MFAP4: variants seen among roughly 807,000 people sequenced by gnomAD.
MFAP4 encodes microfibril-associated glycoprotein 4.
In MFAP4, 20 loss-of-function variants were observed where a neutral mutation model predicts 32.4. The ratio of observed to expected loss-of-function variants is 0.62; its 90% CI spans 0.43 to 0.90. The LOEUF (loss-of-function observed/expected upper bound fraction) is 0.90, where lower values mean the gene tolerates loss of function less well. MFAP4 is among the 40% of genes least tolerant of loss of function. The pLI is 0.00. For missense variants in MFAP4, 267 were observed against 329.5 expected, an observed-to-expected ratio of 0.81 and a Z score of 1.47; for synonymous variants, 146 against 137.4, an observed-to-expected ratio of 1.06 and a Z score of -0.44.
Position 19,386,361 on chromosome 17 carries a change from A to G in MFAP4, c.189T>C (p.Ser63=), listed in dbSNP as rs1913032267. ...GVYLIYPSGP[S]VPVPVFCDMT... ...TGTCACAGAAGACGGGCACAGGCAC[A>G]CTGGGGCCCGAGGGGTAGATGAGGT... Residue 63 remains serine, a synonymous_variant, in exon 3 of 6, where the codon AGT becomes AGC. Coordinates refer to ENST00000299610, the MANE Select transcript of MFAP4 (RefSeq NM_002404.3). 1 of 1,613,572 alleles carries G rather than the reference A, an allele frequency of 6.2e-7. No individual in the cohort carries two copies. The highest frequency in any genetic ancestry group is 8.5e-7 in the Non-Finnish European group (1 of 1,179,868).
chr17:19,384,781 C>T (rs1912961141), intron 5 of MFAP4, 72 bp from the exon 6 acceptor site: 1 of 1,589,162 alleles, frequency 6.3e-7, no homozygotes, highest in Non-Finnish European at 8.6e-7. Flanking sequence ...GAGAGGGTGA[C>T]AATGACGACT....
chr17:19,386,066 G>T (rs1275218537), intron 3 of MFAP4, among the ~76,000 whole-genome samples: 2 of 152,362 alleles, frequency 1.3e-5, no homozygotes, highest in Non-Finnish European at 2.9e-5. Context: ...TTCCAGCAGT[G>T]AGCTGAGATG....
intron 1 of MFAP4, 33 bp downstream of exon 1, chr17:19,387,117 A>G (rs1913071223): frequency 6.2e-7 from 1 of 1,611,242 alleles, no homozygotes. Flanking sequence ...CAGTTCCCCC[A>G]TGCTATGAGT....
chr17:19,385,139 G>A lies in MFAP4; in HGVS notation c.480C>T (p.Gly160=), dbSNP rs993252232. 5 of 1,614,264 alleles carry A rather than the reference G, an allele frequency of 3.1e-6. No individual in the cohort carries two copies. In the Admixed American group the frequency reaches 8.3e-5, roughly 27 times the overall value. ...CAAAGCCTGCCACAAAGAGGGTGTA[G>A]CCATCCTCCTCTGCGCTGACCGCGT... ...SPNAVSAEED[G]YTLFVAGFED... is the part of the protein sequence containing the mutation. The change falls in exon 5 of 6, where the codon GGC becomes GGT. Residue 160 remains glycine (G), a synonymous_variant. Transcript: ENST00000299610.
intron 2 of MFAP4, 64 bp from the exon 3 acceptor site, chr17:19,386,528 C>T (rs1913042713): frequency 1.3e-6 from 2 of 1,553,742 alleles, no homozygotes; most frequent in Admixed American, 1.8e-5. Flanking sequence ...CACCTCAGCA[C>T]CCCAAGGTTT....
rs1377144025 is a variant in MFAP4, at chr17:19,387,109, G to C, written c.6+41C>G. On this transcript the variant is annotated intron_variant, in intron 1 of 5. Coordinates refer to ENST00000299610, the MANE Select transcript of MFAP4 (RefSeq NM_002404.3). The stretch of plus-strand genomic sequence containing the variant: ...GCCAGGGGCCTCTGGAGTGGGCTCA[G>C]TTCCCCCATGCTATGAGTCCCCCGA... 2 of 1,612,694 alleles carry C rather than the reference G, an allele frequency of 1.2e-6. No individual in the cohort carries two copies. Among genetic ancestry groups the C allele is most frequent in the Non-Finnish European group, 1.7e-6 (2 of 1,179,898 alleles).
chr17:19,384,612 G>T lies in MFAP4; in HGVS notation c.618C>A (p.Ala206=). 1 of 1,614,182 alleles carries T rather than the reference G, an allele frequency of 6.2e-7. No homozygotes were observed. Among genetic ancestry groups the T allele is most frequent in the Non-Finnish European group, 8.5e-7 (1 of 1,180,022 alleles). The change falls in exon 6 of 6, where the codon GCC becomes GCA. Residue 206 remains alanine, a synonymous_variant. Transcript: ENST00000299610. ...CAAAGTGGCAGCTGCGGAACCAGAAGGCTCCTGAGGAGAGAGCTGCGCAGT... is the reference window on the plus strand; with the variant it reads ...CAAAGTGGCAGCTGCGGAACCAGAATGCTCCTGAGGAGAGAGCTGCGCAGT... ...VQNCAALSSG[A]FWFRSCHFAN...
chr17:19,386,520 C>T, intron 2 of MFAP4, 56 bp from the exon 3 acceptor site: 2 of 1,561,890 alleles, frequency 1.3e-6, no homozygotes, highest in Non-Finnish European at 8.7e-7. Context: ...ATCACTGACA[C>T]CTCAGCACCC....
intron 2 of MFAP4, 92 bp downstream of exon 2, chr17:19,386,667 TG>T: frequency 7.1e-7 from 1 of 1,412,994 alleles, no homozygotes; most frequent in Non-Finnish European, 9.8e-7. Flanking sequence ...CCTGCAGAGC[TG>T]GGGCTCGGCC....
In MFAP4 at chr17:19,385,110, T is replaced by A; in HGVS notation, c.509A>T (p.Asp170Val). 1 of 1,613,856 alleles carries A rather than the reference T, an allele frequency of 6.2e-7. No homozygotes were observed. The highest frequency in any genetic ancestry group is 8.5e-7 in the Non-Finnish European group (1 of 1,179,750). ...ACAGCGGGTTATACCTGCCCCGCCA[T>A]CCTCAAAGCCTGCCACAAAGAGGGT... ...GYTLFVAGFEDGGAGDSLSYH... is the reference protein window; with the variant it reads ...GYTLFVAGFEVGGAGDSLSYH... Residue 170 changes from aspartate (D) to valine (V), a missense_variant, in exon 5 of 6, where the codon GAT (aspartate) becomes GTT (valine). Coordinates refer to ENST00000299610, the MANE Select transcript of MFAP4 (RefSeq NM_002404.3).
intron 1 of MFAP4, 154 bp downstream of exon 1, chr17:19,386,996 C>A: frequency 8.5e-7 from 1 of 1,177,470 alleles, no homozygotes; most frequent in Non-Finnish European, 1.2e-6. Flanking sequence ...CCCCGCCCGC[C>A]AAGTAACCCC....
Position 19,384,497 on chromosome 17 carries a change from G to A in MFAP4, c.733C>T (p.Leu245Phe), listed in dbSNP as rs1402125930. 1 of 1,601,942 alleles carries A rather than the reference G, an allele frequency of 6.2e-7. No individual in the cohort carries two copies. The highest frequency in any genetic ancestry group is 1.1e-5 in the South Asian group (1 of 89,738). Residue 245 changes from leucine to phenylalanine, a missense_variant, in exon 6 of 6, where the codon CTC (leucine) becomes TTC (phenylalanine). Around this residue, in one of 3 missense-constraint regions of MFAP4, gnomAD observed 19 missense variants for 18.7 expected, o/e 1.02. Coordinates refer to ENST00000299610, the MANE Select transcript of MFAP4 (RefSeq NM_002404.3). Reference sequence around the variant, plus strand: ...CGGATTTTCATCTCAGTGCGTTTGAGGGAGTAGTAGAAGCCCTTCCACTGG... The same window carrying A: ...CGGATTTTCATCTCAGTGCGTTTGAAGGAGTAGTAGAAGCCCTTCCACTGG... Reference protein sequence around the residue: ...WAQWKGFYYSLKRTEMKIRRA With the variant: ...WAQWKGFYYSFKRTEMKIRRA
rs568705040 is a variant in MFAP4, at chr17:19,384,317, G to A, written c.*145C>T. On this transcript the variant is annotated 3_prime_UTR_variant, in exon 6 of 6. Transcript: ENST00000299610. ...GATGCCCTGGGTGTGTGACAGGGAT[G>A]TGGCATGGCTGAGAGCCACAAGGCC... 1 of 988,730 alleles carries A rather than the reference G, an allele frequency of 1.0e-6. No homozygotes were observed. Among genetic ancestry groups the A allele is most frequent in the South Asian group, 1.7e-5 (1 of 59,618 alleles). 61.2% of individuals were successfully genotyped at this position (988,730 alleles called of 1,614,324 possible).
chr17:19,385,567 G>C, intron 3 of MFAP4, 113 bp from the exon 4 acceptor site: 2 of 653,320 alleles, frequency 3.1e-6, no homozygotes, highest in Non-Finnish European at 5.4e-6. Flanking sequence ...TTTGTTAAAG[G>C]ACTGGGTTGG....
Position 19,384,378 on chromosome 17 carries a change from A to G in MFAP4, c.*84T>C, listed in dbSNP as rs2152295460. ...GAGTTGGTGCTCGGGAATCAGCAGA[A>G]GCATGCATCAGGGGCAGCAGAGGGA... On this transcript the variant is annotated 3_prime_UTR_variant, in exon 6 of 6. Transcript: ENST00000299610. 2 of 1,458,436 alleles carry G rather than the reference A, an allele frequency of 1.4e-6. No homozygotes were observed. The highest frequency in any genetic ancestry group is 1.8e-6 in the Non-Finnish European group (2 of 1,083,640). 90.3% of individuals were successfully genotyped at this position (1,458,436 alleles called of 1,614,324 possible).
intron 3 of MFAP4, among the ~76,000 whole-genome samples, 181 bp downstream of exon 3, chr17:19,386,129 A>G (rs1363405564): frequency 1.3e-5 from 2 of 152,248 alleles, no homozygotes; most frequent in Non-Finnish European, 1.5e-5. Context: ...CTCAAAACAA[A>G]CAAACAAACA....
In MFAP4 at chr17:19,384,686, C is replaced by T. The variant is rs1912957225; in HGVS notation, c.544G>A (p.Gly182Ser). The T allele has an allele frequency of 1.2e-6, 2 of 1,614,150 alleles. No homozygotes were observed. Among genetic ancestry groups the T allele is most frequent in the South Asian group, 2.2e-5 (2 of 91,082 alleles). The change falls in exon 6 of 6, where the codon GGC becomes AGC. Residue 182 changes from glycine to serine, a missense_variant. This residue lies in a region of MFAP4 where 223 missense variants were observed against 253.3 expected (regional missense o/e 0.88). Transcript: ENST00000299610. ...CGGTCGAAGGTAGAGAACTTCTGGC[C>T]ACTGTGGTAGGACAGGGAGTCACCT... ...GAGDSLSYHS[G>S]QKFSTFDRDQ...
In MFAP4 at chr17:19,384,257, T is replaced by G; in HGVS notation, c.*205A>C. 1 of 602,678 alleles carries G rather than the reference T, an allele frequency of 1.7e-6. No homozygotes were observed. The highest frequency in any genetic ancestry group is 2.9e-6 in the Non-Finnish European group (1 of 346,726). 37.3% of individuals were successfully genotyped at this position (602,678 alleles called of 1,614,324 possible). On this transcript the variant is annotated 3_prime_UTR_variant, in exon 6 of 6. Transcript: ENST00000299610. ...CTGGGGAACTGCTGGCAGTGTAACT[T>G]CAGGTGTAGGGGAGCCGGGTCTGGC...
rs1912939579 is a variant in MFAP4, at chr17:19,384,312, G to A, written c.*150C>T. The A allele has an allele frequency of 5.3e-6, 5 of 947,616 alleles. 1 individual carries two copies. The South Asian group carries it at 6.8e-5, about 13-fold the overall frequency. The allele number at this position is 947,616 out of a possible 1,614,324, so 58.7% of individuals were successfully genotyped here. On this transcript the variant is annotated 3_prime_UTR_variant, in exon 6 of 6. Coordinates refer to ENST00000299610, the MANE Select transcript of MFAP4 (RefSeq NM_002404.3). ...GAATGGATGCCCTGGGTGTGTGACA[G>A]GGATGTGGCATGGCTGAGAGCCACA...
Sources: gnomAD v4.1 joint callset for allele counts (sites outside exome capture counted in the v4.1 genomes callset) on GRCh38, gnomAD v4.1.1 for gene constraint, gnomAD v4.1.1 regional missense constraint, MANE v1.5 for transcripts, NCBI Gene and HGNC (gene_info 2026-07-23, HGNC 2026-07-21) for gene names.